FMN2: variants seen among roughly 807,000 people sequenced by gnomAD.
The protein encoded by FMN2 is formin 2.
Under a neutral mutation model 142.3 loss-of-function variants are expected in FMN2, and 51 were observed. The observed-to-expected ratio is 0.36, with a 90% confidence interval of 0.29 to 0.45. FMN2 has a LOEUF of 0.45. Among genes scored for constraint, FMN2 ranks in the 20% least tolerant of loss-of-function variants. FMN2 has a pLI of 1.00. For synonymous variants in FMN2, 882 were observed against 869.8 expected (o/e 1.01, Z -0.25); for missense variants, 1,936 against 2,122.8 (o/e 0.91, Z 1.73).
intron 14 of FMN2, among the ~76,000 whole-genome samples, chr1:240,379,303 G>A (rs1250318315): frequency 6.6e-6 from 1 of 151,904 alleles, no homozygotes; most frequent in African/African-American, 2.4e-5. Context: ...TTTTGGCCCT[G>A]TAAAAGCTTT....
intron 1 of FMN2, among the ~76,000 whole-genome samples, chr1:240,107,242 G>A (rs931567043): frequency 6.6e-6 from 1 of 152,114 alleles, no homozygotes; most frequent in African/African-American, 2.4e-5. Context: ...AATAGAGACT[G>A]AGTGAAGATC....
chr1:240,280,764 C>T (rs1351144397), intron 7 of FMN2, among the ~76,000 whole-genome samples: 2 of 152,082 alleles, frequency 1.3e-5, no homozygotes, highest in Non-Finnish European at 2.9e-5. Flanking sequence ...GGAATATACC[C>T]GTCTTTTTTC....
In FMN2 at chr1:240,207,035, G is replaced by C; in HGVS notation, c.2223G>C (p.Ala741=). The change falls in exon 5 of 18, where the codon GCG becomes GCC. Residue 741 remains alanine, a synonymous_variant. Transcript: ENST00000319653. ...KEVRHHRILE[A]KSIQTSPTEE... is the part of the protein sequence containing the mutation. ...TACGGCATCATAGGATTTTAGAGGCGAAATCGATACAGACTTCCCCCACGG... is the reference window on the plus strand; with the variant it reads ...TACGGCATCATAGGATTTTAGAGGCCAAATCGATACAGACTTCCCCCACGG... The C allele has an allele frequency of 1.2e-6, 2 of 1,614,132 alleles. No individual in the cohort carries two copies. The highest frequency in any genetic ancestry group is 1.7e-6 in the Non-Finnish European group (2 of 1,180,008).
chr1:240,405,633 A>G (rs1300244261), intron 15 of FMN2, among the ~76,000 whole-genome samples: 2 of 150,786 alleles, frequency 1.3e-5, no homozygotes, highest in East Asian at 4.0e-4. Flanking sequence ...AAAAAAAAAA[A>G]GAATGTGTTT....
chr1:240,143,717 G>A (rs889332833), intron 2 of FMN2: 21 of 1,567,398 alleles, frequency 1.3e-5, no homozygotes, highest in African/African-American at 2.7e-5. Context: ...GGAAGCCAAC[G>A]AGCATAAGAG....
rs1352813227 is a variant in FMN2 at position 240,411,629 on chromosome 1, TG to T, written c.4910+19068del. 3.7e-3 allele frequency among the ~76,000 whole-genome samples: 452 copies of T among 120,944 alleles called. 4 individuals carry two copies. The highest frequency in any genetic ancestry group is 0.014 in the African/African-American group (444 of 31,650). The allele number at this position is 120,944 out of a possible 152,430, so 79.3% of individuals were successfully genotyped here. A position where few individuals can be genotyped will look rare whatever the true frequency, so the allele number is the denominator to read the frequency against. On this transcript the variant is annotated intron_variant, in intron 15 of 17. Coordinates refer to ENST00000319653, the MANE Select transcript of FMN2 (RefSeq NM_020066.5). ...TGACATTTCCTTGTGTTTGATCTGT[TG>T]TTTTTTTTTTTTCTCTGAGAAGCAT...
At chr1:240,358,740 T>TA (rs1672366942) in intron 14 of FMN2, among the ~76,000 whole-genome samples, 2 of 152,154 alleles carry the variant, frequency 1.3e-5, no homozygotes, top group South Asian at 4.1e-4. Context: ...ATGATTCAAT[T>TA]ACCTCCACCT....
rs551074480 is a variant in FMN2 at position 240,214,508 on chromosome 1, A to G, written c.4065+3273A>G. On this transcript the variant is annotated intron_variant, in intron 6 of 17. Coordinates refer to ENST00000319653, the MANE Select transcript of FMN2 (RefSeq NM_020066.5). ...AGAGGTTGCAGTGAGCCGAGATCGC[A>G]CCACTGCACTCCAGCCTGGGCAATA... 2.7e-3 allele frequency among the ~76,000 whole-genome samples: 405 copies of G among 149,958 alleles called. 3 individuals are homozygous for G. In the South Asian group the frequency reaches 0.027, roughly 10 times the overall value.
intron 2 of FMN2, among the ~76,000 whole-genome samples, chr1:240,171,510 A>G (rs1477397149): frequency 1.3e-5 from 2 of 152,222 alleles, no homozygotes; most frequent in African/African-American, 4.8e-5. Flanking sequence ...ATATTTTAAC[A>G]TAATAAAAGT....
intron 13 of FMN2, among the ~76,000 whole-genome samples, chr1:240,353,116 T>A (rs1672150887): frequency 6.6e-6 from 1 of 152,218 alleles, no homozygotes; most frequent in Non-Finnish European, 1.5e-5. Flanking sequence ...CGGTCATTCA[T>A]GAGACCACAC....
At chr1:240,418,936 G>A (rs554702514) in intron 15 of FMN2, among the ~76,000 whole-genome samples, 44 of 151,942 alleles carry the variant, frequency 2.9e-4, no homozygotes, top group East Asian at 3.9e-4. Context: ...ATGAAACCCC[G>A]TCTCTACTAA....
chr1:240,189,008 A>T (rs1284567513), intron 4 of FMN2, among the ~76,000 whole-genome samples: 4 of 152,140 alleles, frequency 2.6e-5, no homozygotes, highest in Non-Finnish European at 5.9e-5. Flanking sequence ...TGATTCAGTC[A>T]TCTCCCACCA....
intron 8 of FMN2, among the ~76,000 whole-genome samples, chr1:240,324,977 T>A (rs1450948209): frequency 6.6e-6 from 1 of 152,176 alleles, no homozygotes; most frequent in Non-Finnish European, 1.5e-5. Flanking sequence ...AGATGATTAA[T>A]GTTTCAAAAT....
intron 15 of FMN2, among the ~76,000 whole-genome samples, chr1:240,411,770 T>C (rs58940059): frequency 0.071 from 10,836 of 152,034 alleles, 1,329 homozygotes; most frequent in African/African-American, 0.25. Context: ...TCCTTCTGTT[T>C]TAGGGTTGGT....
At chr1:240,342,953 TA>T (rs1363590426) in intron 13 of FMN2, among the ~76,000 whole-genome samples, 7 of 151,980 alleles carry the variant, frequency 4.6e-5, no homozygotes, top group Non-Finnish European at 8.8e-5. Context: ...GAAAGATCTG[TA>T]AAATTCTCCC....
chr1:240,228,506 A>C (rs904296975), intron 6 of FMN2, among the ~76,000 whole-genome samples: 4 of 152,002 alleles, frequency 2.6e-5, no homozygotes, highest in African/African-American at 9.7e-5. Flanking sequence ...ATGTGCAAGG[A>C]TGGCTATAAT....
intron 2 of FMN2, among the ~76,000 whole-genome samples, chr1:240,159,961 G>GTGTA (rs1553334639): frequency 1.6e-5 from 2 of 127,672 alleles, no homozygotes; most frequent in African/African-American, 6.4e-5. Flanking sequence ...CTATATCTGT[G>GTGTA]TATATATATA....
intron 15 of FMN2, among the ~76,000 whole-genome samples, chr1:240,410,613 T>G (rs540883208): frequency 1.3e-5 from 2 of 152,234 alleles, no homozygotes; most frequent in East Asian, 1.9e-4. Flanking sequence ...AAGAAAATAT[T>G]GAGAAATTTT....
chr1:240,262,632 T>G (rs1411187024), intron 7 of FMN2, among the ~76,000 whole-genome samples: 2 of 152,104 alleles, frequency 1.3e-5, no homozygotes, highest in Non-Finnish European at 2.9e-5. Flanking sequence ...TGCAATTCCA[T>G]AAGCTTCAGC....
Sources: gnomAD v4.1 joint callset for allele counts (sites outside exome capture counted in the v4.1 genomes callset) on GRCh38, gnomAD v4.1.1 for gene constraint, MANE v1.5 for transcripts, NCBI Gene and HGNC (gene_info 2026-07-23, HGNC 2026-07-21) for gene names.